VSTM2L: variants seen among roughly 807,000 people sequenced by gnomAD.
VSTM2L encodes V-set and transmembrane domain containing 2 like.
In VSTM2L, 9 loss-of-function variants were observed where a neutral mutation model predicts 19.9. That is an observed-to-expected ratio of 0.45 (90% CI 0.27 to 0.79). The LOEUF (loss-of-function observed/expected upper bound fraction) is 0.79, where lower values mean the gene tolerates loss of function less well. Ranked by LOEUF, VSTM2L falls within the 30% of genes least tolerant of loss-of-function variation. The probability of loss-of-function intolerance (pLI) is 0.15; values close to 1 mark genes in which losing one functional copy is unlikely to be tolerated. For synonymous variants in VSTM2L, 127 were observed against 133.8 expected, an observed-to-expected ratio of 0.95 and a Z score of 0.35; for missense variants, 286 against 295.5, an observed-to-expected ratio of 0.97 and a Z score of 0.24.
At chr20:37,942,707 C>T (rs2072979630) in intron 3 of VSTM2L, among the ~76,000 whole-genome samples, 1 of 152,226 alleles carries the variant, frequency 6.6e-6, no homozygotes, top group Non-Finnish European at 1.5e-5. Flanking sequence ...ATGCTTTGCT[C>T]TGGATGGTGG....
At chr20:37,936,051 A>ATTTTTTT (rs5841281) in intron 3 of VSTM2L, among the ~76,000 whole-genome samples, 4 of 138,922 alleles carry the variant, frequency 2.9e-5, no homozygotes, top group Non-Finnish European at 3.1e-5. Context: ...TACCTAGCTA[A>ATTTTTTT]TTTTTTTTTT....
chr20:37,917,674 C>G (rs1236914656), intron 1 of VSTM2L, among the ~76,000 whole-genome samples: 1 of 152,232 alleles, frequency 6.6e-6, no homozygotes. Context: ...TGGGCTCCCC[C>G]TCGCCCTAGT....
In VSTM2L at chr20:37,926,576, G is replaced by A. The variant is rs367587005; in HGVS notation, c.122-5059G>A. Among the ~76,000 whole-genome samples the A allele has an allele frequency of 2.0e-3, 309 of 152,262 alleles. 2 individuals are homozygous for A. The highest frequency in any genetic ancestry group is 6.7e-3 in the African/African-American group (280 of 41,544). ...AAAAAAGAGAAATATTTAGGTTGGC[G>A]CAAAAGTAATTGCGGTTTTGACCAT... is the stretch of plus-strand genomic sequence containing the variant. On this transcript the variant is annotated intron_variant, in intron 1 of 3. Coordinates refer to ENST00000373461, the MANE Select transcript of VSTM2L (RefSeq NM_080607.3).
chr20:37,914,059 G>A lies in VSTM2L; in HGVS notation c.121+10588G>A, dbSNP rs1003986141. 2.1e-4 allele frequency among the ~76,000 whole-genome samples: 32 copies of A among 152,084 alleles called. 1 individual carries two copies. The highest frequency in any genetic ancestry group is 7.5e-4 in the African/African-American group (31 of 41,394). ...CTGAGTTTGTGGTTCATGGGATGCT[G>A]GGGCTGGCCGGTATCCAGGGAGGGT... On this transcript the variant is annotated intron_variant, in intron 1 of 3. Coordinates refer to ENST00000373461, the MANE Select transcript of VSTM2L (RefSeq NM_080607.3).
At chr20:37,934,565 G>A (rs2072929086) in intron 3 of VSTM2L, among the ~76,000 whole-genome samples, 1 of 152,192 alleles carries the variant, frequency 6.6e-6, no homozygotes, top group Non-Finnish European at 1.5e-5. Flanking sequence ...GCGCATGGCG[G>A]GGAAACCTTT....
In VSTM2L at chr20:37,903,565, C is replaced by T. The variant is rs561450384; in HGVS notation, c.121+94C>T. The T allele has an allele frequency of 1.2e-4, 155 of 1,315,904 alleles. 1 individual carries two copies. The South Asian group carries it at 1.4e-3, about 12-fold the overall frequency. The allele number at this position is 1,315,904 out of a possible 1,614,324, so 81.5% of individuals were successfully genotyped here. A position where few individuals can be genotyped will look rare whatever the true frequency, so the allele number is the denominator to read the frequency against. ...GGCCGCCCCGGGGCTCGAACCGGCG[C>T]CAGTCGTGGCGGGCATCCCGGGGCG... On this transcript the variant is annotated intron_variant, in intron 1 of 3. Coordinates refer to ENST00000373461, the MANE Select transcript of VSTM2L (RefSeq NM_080607.3).
At position 37,944,078 on chromosome 20, in the gene VSTM2L, T is replaced by G; in HGVS notation, c.440T>G (p.Phe147Cys). The change falls in exon 4 of 4, where the codon TTC becomes TGC. Residue 147 changes from phenylalanine (F) to cysteine (C), a missense_variant. Coordinates refer to ENST00000373461, the MANE Select transcript of VSTM2L (RefSeq NM_080607.3). ...EGTYECRVID[F>C]SDGKARHHKV... ...ACCTACGAGTGCCGCGTCATCGACT[T>G]CAGCGACGGCAAGGCCCGGCACCAC... is the stretch of plus-strand genomic sequence containing the variant. The G allele has an allele frequency of 6.2e-7, 1 of 1,612,996 alleles. No homozygotes were observed. Among genetic ancestry groups the G allele is most frequent in the Middle Eastern group, 1.7e-4 (1 of 6,054 alleles).
intron 1 of VSTM2L, among the ~76,000 whole-genome samples, chr20:37,921,129 A>C (rs1331108501): frequency 2.0e-5 from 3 of 152,192 alleles, no homozygotes; most frequent in African/African-American, 7.2e-5. Context: ...ACTCCAGGGC[A>C]GGGAGAGGCA....
chr20:37,936,397 A>T (rs2072940662), intron 3 of VSTM2L, among the ~76,000 whole-genome samples: 1 of 152,128 alleles, frequency 6.6e-6, no homozygotes, highest in Admixed American at 6.5e-5. Flanking sequence ...AACTGTTGGG[A>T]CCTAATTAGA....
At chr20:37,904,462 A>T (rs934778281) in intron 1 of VSTM2L, among the ~76,000 whole-genome samples, 4 of 152,238 alleles carry the variant, frequency 2.6e-5, no homozygotes, top group Admixed American at 2.6e-4. Context: ...GCCCCGAAGG[A>T]GCCCAAGTTG....
In VSTM2L at chr20:37,928,326, G is replaced by A. The variant is rs1002590963; in HGVS notation, c.122-3309G>A. ...GCTCCTCACTATCTCCTTGTGTTCC[G>A]CTCAAGGTGGCAAGTGGGTGTCAGG... On this transcript the variant is annotated intron_variant, in intron 1 of 3. Transcript: ENST00000373461. 4.6e-5 allele frequency among the ~76,000 whole-genome samples: 7 copies of A among 152,160 alleles called. No homozygotes were observed. In the South Asian group the frequency reaches 1.2e-3, roughly 27 times the overall value.
intron 2 of VSTM2L, 65 bp from the exon 3 acceptor site, chr20:37,933,474 A>ACCCC: frequency 5.1e-6 from 5 of 986,774 alleles, no homozygotes; most frequent in East Asian, 3.1e-5. Context: ...CCACACTGCC[A>ACCCC]CCCCACCCCC....
At chr20:37,903,523 C>A in intron 1 of VSTM2L, 52 bp downstream of exon 1, 1 of 1,394,278 alleles carries the variant, frequency 7.2e-7, no homozygotes, top group Non-Finnish European at 9.3e-7. Context: ...CCAACCCGGG[C>A]CGCGCCACTC....
At chr20:37,923,523 C>T (rs73096431) in intron 1 of VSTM2L, among the ~76,000 whole-genome samples, 2,011 of 152,332 alleles carry the variant, frequency 0.013, 9 homozygotes, top group Middle Eastern at 0.027. Context: ...GTCTTCCCAG[C>T]GAGCCCAGCC....
chr20:37,941,493 G>C (rs1403567890), intron 3 of VSTM2L, among the ~76,000 whole-genome samples: 1 of 152,224 alleles, frequency 6.6e-6, no homozygotes, highest in Non-Finnish European at 1.5e-5. Flanking sequence ...TCACACGTGT[G>C]AGTGCCCAGC....
At chr20:37,929,062 A>G (rs2072894320) in intron 1 of VSTM2L, among the ~76,000 whole-genome samples, 1 of 152,176 alleles carries the variant, frequency 6.6e-6, no homozygotes, top group African/African-American at 2.4e-5. Context: ...AGTGCTGATG[A>G]TGGCGTTGGA....
At chr20:37,920,704 A>C (rs970692096) in intron 1 of VSTM2L, among the ~76,000 whole-genome samples, 7 of 152,192 alleles carry the variant, frequency 4.6e-5, no homozygotes, top group African/African-American at 1.7e-4. Context: ...CATAGTGTCC[A>C]CATGTCTGTC....
chr20:37,903,543 C>G lies in VSTM2L; in HGVS notation c.121+72C>G. 3 of 1,335,726 alleles carry G rather than the reference C, an allele frequency of 2.2e-6. No homozygotes were observed. In the South Asian group the frequency reaches 5.6e-5, roughly 25 times the overall value. 82.7% of individuals were successfully genotyped at this position (1,335,726 alleles called of 1,614,324 possible). A position where few individuals can be genotyped will look rare whatever the true frequency, so the allele number is the denominator to read the frequency against. ...CCGGGCCGCGCCACTCCAACTTGGC[C>G]GCCCCGGGGCTCGAACCGGCGCCAG... On this transcript the variant is annotated intron_variant, in intron 1 of 3. Coordinates refer to ENST00000373461, the MANE Select transcript of VSTM2L (RefSeq NM_080607.3).
At chr20:37,908,567 C>T (rs2072763141) in intron 1 of VSTM2L, among the ~76,000 whole-genome samples, 1 of 152,198 alleles carries the variant, frequency 6.6e-6, no homozygotes, top group African/African-American at 2.4e-5. Flanking sequence ...AATCCCAGCA[C>T]TTTGGGAGGC....
Sources: gnomAD v4.1 joint callset for allele counts (sites outside exome capture counted in the v4.1 genomes callset) on GRCh38, gnomAD v4.1.1 for gene constraint, MANE v1.5 for transcripts, NCBI Gene and HGNC (gene_info 2026-07-23, HGNC 2026-07-21) for gene names.